Variants in MAST2 observed in about 807,000 individuals in gnomAD.
MAST2 encodes the protein microtubule associated serine/threonine kinase 2, also known as microtubule-associated serine/threonine-protein kinase 2.
Under a neutral mutation model 147.4 loss-of-function variants are expected in MAST2, and 70 were observed. The ratio of observed to expected loss-of-function variants is 0.47; its 90% CI spans 0.39 to 0.58. The LOEUF (loss-of-function observed/expected upper bound fraction) is 0.58. MAST2 is among the 20% of genes least tolerant of loss of function. MAST2 has a pLI of 0.00. For synonymous variants in MAST2, 869 were observed against 896.8 expected, an observed-to-expected ratio of 0.97 and a Z score of 0.55; for missense variants, 2,080 against 2,302.3, an observed-to-expected ratio of 0.90 and a Z score of 1.98.
At chr1:46,027,661 G>C (rs1646471279) in intron 16 of MAST2, 70 bp from the exon 17 acceptor site, 1 of 1,523,314 alleles carries the variant, frequency 6.6e-7, no homozygotes, top group Admixed American at 1.9e-5. Flanking sequence ...GGGAAACTGG[G>C]CATATACTAA....
chr1:45,961,333 T>C (rs751420961), intron 5 of MAST2, among the ~76,000 whole-genome samples: 1 of 152,242 alleles, frequency 6.6e-6, no homozygotes, highest in Admixed American at 6.5e-5. Context: ...CTGACCTTTT[T>C]ATCATATAGG....
intron 4 of MAST2, among the ~76,000 whole-genome samples, chr1:45,950,755 A>G (rs1193168725): frequency 3.3e-5 from 5 of 152,210 alleles, no homozygotes; most frequent in Non-Finnish European, 5.9e-5. Flanking sequence ...AGTGAAAATC[A>G]ATAGATAAAA....
chr1:45,933,709 G>A (rs1312234602), intron 4 of MAST2, among the ~76,000 whole-genome samples: 9 of 151,558 alleles, frequency 5.9e-5, no homozygotes, highest in Admixed American at 2.0e-4. Context: ...AGCCAAGATC[G>A]TGCCATTGCA....
chr1:45,940,705 C>T (rs554624914), intron 4 of MAST2, among the ~76,000 whole-genome samples: 56 of 151,454 alleles, frequency 3.7e-4, no homozygotes, highest in Non-Finnish European at 7.1e-4. Flanking sequence ...CTGCAATCTC[C>T]GCCACCCGGG....
At chr1:45,812,430 T>C in intron 1 of MAST2, among the ~76,000 whole-genome samples, 1 of 149,954 alleles carries the variant, frequency 6.7e-6, no homozygotes, top group East Asian at 1.9e-4. Context: ...TAAGCCTTTT[T>C]TTTTTTTTTT....
intron 4 of MAST2, among the ~76,000 whole-genome samples, chr1:45,944,258 T>C (rs1210874624): frequency 6.6e-6 from 1 of 152,240 alleles, no homozygotes; most frequent in Non-Finnish European, 1.5e-5. Context: ...AAATTTAATT[T>C]TTATTTTGTC....
chr1:46,005,540 G>C (rs186893900), intron 7 of MAST2, among the ~76,000 whole-genome samples: 1 of 152,152 alleles, frequency 6.6e-6, no homozygotes, highest in Non-Finnish European at 1.5e-5. Context: ...TGTGATAGCC[G>C]AGCACCCTCC....
intron 4 of MAST2, among the ~76,000 whole-genome samples, chr1:45,890,562 C>A (rs1456728876): frequency 6.6e-6 from 1 of 152,132 alleles, no homozygotes; most frequent in Admixed American, 6.6e-5. Flanking sequence ...GCCCAACAGT[C>A]CTATAGGATT....
intron 3 of MAST2, chr1:45,847,366 G>T: frequency 2.0e-6 from 1 of 503,538 alleles, no homozygotes; most frequent in African/African-American, 2.0e-5. Flanking sequence ...TTTAATTTAA[G>T]TACCTTTCAG....
At chr1:45,818,563 A>G (rs1323505046) in intron 1 of MAST2, among the ~76,000 whole-genome samples, 1 of 152,194 alleles carries the variant, frequency 6.6e-6, no homozygotes, top group Non-Finnish European at 1.5e-5. Context: ...GATTTGCTTC[A>G]AATGCTGAAT....
chr1:45,817,870 A>G (rs1644504080), intron 1 of MAST2, among the ~76,000 whole-genome samples: 1 of 152,208 alleles, frequency 6.6e-6, no homozygotes, highest in African/African-American at 2.4e-5. Context: ...TTATTAATCA[A>G]AATAGGAACC....
chr1:45,831,080 G>C (rs572526382), intron 3 of MAST2, among the ~76,000 whole-genome samples: 16 of 150,922 alleles, frequency 1.1e-4, no homozygotes, highest in South Asian at 8.5e-4. Flanking sequence ...TTGTGTGATA[G>C]GCAGGGCCTT....
At chr1:45,921,894 G>A (rs917496830) in intron 4 of MAST2, among the ~76,000 whole-genome samples, 2 of 152,174 alleles carry the variant, frequency 1.3e-5, no homozygotes, top group Middle Eastern at 3.2e-3. Context: ...GGTGGGTCCC[G>A]AGTTCTTGTC....
rs572559590 is a variant in MAST2 at position 45,884,319 on chromosome 1, A to G, written c.500+1924A>G. Among the ~76,000 whole-genome samples the G allele has an allele frequency of 9.9e-5, 15 of 152,190 alleles. No homozygotes were observed. The East Asian group carries it at 2.9e-3, about 29-fold the overall frequency. On this transcript the variant is annotated intron_variant, in intron 4 of 28. Transcript: ENST00000361297. The stretch of plus-strand genomic sequence containing the variant: ...TCCCAGCACTTTGGGAGGCTGAGGT[A>G]GGTGGATCACCTGAGGTCAGTAGTT...
At chr1:45,868,466 G>T (rs1294676749) in intron 3 of MAST2, among the ~76,000 whole-genome samples, 4 of 152,016 alleles carry the variant, frequency 2.6e-5, no homozygotes, top group African/African-American at 9.7e-5. Context: ...GAAAATATTT[G>T]TTGTGCTGAT....
In MAST2 at chr1:45,882,410, A is replaced by G. The variant is rs199683794; in HGVS notation, c.500+15A>G. ...AGAGGCAGCTTGTAAGTAGATGATT[A>G]TTACCATTATGATTATGATCTCCTA... On this transcript the variant is annotated intron_variant, in intron 4 of 28. Transcript: ENST00000361297. 311 of 1,602,372 alleles carry G rather than the reference A, an allele frequency of 1.9e-4. 1 individual carries two copies. The highest frequency in any genetic ancestry group is 2.4e-4 in the Non-Finnish European group (276 of 1,169,724).
chr1:46,023,894 C>A lies in MAST2; in HGVS notation c.1694C>A (p.Thr565Asn). ...GCCTTCGTGGAGCGTGACATACTGACTTTCGCTGAGAACCCCTTTGTGGTC... is the reference window on the plus strand; with the variant it reads ...GCCTTCGTGGAGCGTGACATACTGAATTTCGCTGAGAACCCCTTTGTGGTC... ...QQAFVERDIL[T>N]FAENPFVVSM... The change falls in exon 15 of 29, where the codon ACT (threonine) becomes AAT (asparagine). Residue 565 changes from threonine (T) to asparagine (N), a missense_variant. Transcript: ENST00000361297. The surrounding 1 kb of genome is among the most constrained non-coding windows in gnomAD (Gnocchi z 4.9). 6.2e-7 allele frequency: 1 copy of A among 1,614,202 alleles called. No homozygotes were observed. Among genetic ancestry groups the A allele is most frequent in the Non-Finnish European group, 8.5e-7 (1 of 1,180,040 alleles).
intron 1 of MAST2, among the ~76,000 whole-genome samples, chr1:45,823,208 T>G (rs1319420380): frequency 1.3e-5 from 2 of 151,978 alleles, no homozygotes; most frequent in Non-Finnish European, 2.9e-5. Context: ...TTTTTCTTTT[T>G]TTTTTTTTTA....
intron 3 of MAST2, among the ~76,000 whole-genome samples, chr1:45,880,966 C>CAAAAAAAAAAAAAA (rs10660375): frequency 1.1e-5 from 1 of 89,854 alleles, no homozygotes; most frequent in East Asian, 3.1e-4. Context: ...GACTCCATCT[C>CAAAAAAAAAAAAAA]AAAAAAAAAA....
Sources: allele counts gnomAD v4.1 joint callset (sites outside exome capture counted in the v4.1 genomes callset), GRCh38; gene constraint gnomAD v4.1.1; non-coding constraint Gnocchi (gnomAD v3.1); transcripts MANE v1.5; gene names NCBI Gene and HGNC (gene_info 2026-07-23, HGNC 2026-07-21).